The following SOX30 variants were observed in gnomAD, a reference collection of about 807,000 sequenced individuals.
The protein encoded by SOX30 is transcription factor SOX-30.
Under a neutral mutation model 58.6 loss-of-function variants are expected in SOX30, and 17 were observed. The observed-to-expected ratio is 0.29, with a 90% CI of 0.20 to 0.44. The LOEUF (loss-of-function observed/expected upper bound fraction) is 0.44. Among genes scored for constraint, SOX30 ranks in the 20% least tolerant of loss-of-function variants. The pLI, the probability that SOX30 is intolerant of heterozygous loss-of-function variation, is 1.00. For missense variants in SOX30, 951 were observed against 965.8 expected (o/e 0.98, Z 0.20); for synonymous variants, 421 against 400.2 (o/e 1.05, Z -0.62).
intron 4 of SOX30, among the ~76,000 whole-genome samples, chr5:157,628,365 TCACACACACACACACA>T (rs70984476): frequency 2.2e-4 from 31 of 139,706 alleles, no homozygotes; most frequent in Admixed American, 4.4e-4. Flanking sequence ...TTTCTGGCCT[TCACACACACACACACA>T]CACACACACA....
intron 1 of SOX30, 96 bp downstream of exon 1, chr5:157,651,016 T>C (rs1759314987): frequency 3.2e-6 from 3 of 927,476 alleles, no homozygotes; most frequent in South Asian, 3.3e-5. Context: ...GTTCCATTAC[T>C]TTACTTTTGT....
intron 3 of SOX30, among the ~76,000 whole-genome samples, chr5:157,644,304 C>A (rs1473221188): frequency 6.6e-6 from 1 of 152,080 alleles, no homozygotes. Context: ...CTACATGTCA[C>A]CAGAAATAAG....
At chr5:157,636,590 G>C (rs1015173963) in intron 4 of SOX30, among the ~76,000 whole-genome samples, 1 of 152,118 alleles carries the variant, frequency 6.6e-6, no homozygotes, top group South Asian at 2.1e-4. Context: ...CCTTTCTCCT[G>C]ATCTAATCCT....
chr5:157,664,203 G>T (rs1436220803), intron 2 of SOX30, among the ~76,000 whole-genome samples: 11 of 152,064 alleles, frequency 7.2e-5, no homozygotes, highest in Non-Finnish European at 1.0e-4. Context: ...ATACTACAAG[G>T]CTACAGTAAC....
chr5:157,650,051 A>G (rs755078800), intron 1 of SOX30, among the ~76,000 whole-genome samples: 1 of 152,208 alleles, frequency 6.6e-6, no homozygotes, highest in South Asian at 2.1e-4. Flanking sequence ...AAATTTAAAA[A>G]AAGAAAGTCA....
chr5:157,648,757 G>A lies in SOX30; in HGVS notation c.1107C>T (p.Val369=), dbSNP rs1420784740. The A allele has an allele frequency of 6.2e-7, 1 of 1,613,594 alleles. No homozygotes were observed. Among genetic ancestry groups the A allele is most frequent in the Non-Finnish European group, 8.5e-7 (1 of 1,179,986 alleles). ...NPAANNAEIS[V]QLGLEWNKLS... ...GTTTGTTCCACTCTAACCCAAGCTG[G>A]ACACTGATTTCTGCATTGTTGGCTG... Residue 369 remains valine (V), a synonymous_variant, in exon 2 of 5, where the codon GTC becomes GTT. Transcript: ENST00000265007.
At chr5:157,656,983 G>A (rs184398771), upstream of SOX30, among the ~76,000 whole-genome samples, 542 of 152,304 alleles carry the variant, frequency 3.6e-3, 3 homozygotes, top group African/African-American at 0.012. Flanking sequence ...ACAAAAATAT[G>A]TAAAGGGTTA....
chr5:157,665,704 TAATA>T (rs1021263213), intron 2 of SOX30, among the ~76,000 whole-genome samples: 6 of 147,880 alleles, frequency 4.1e-5, no homozygotes, highest in Non-Finnish European at 7.5e-5. Context: ...AATTTATTTA[TAATA>T]AATAAATAAA....
chr5:157,645,798 A>G (rs1029872433), intron 3 of SOX30, among the ~76,000 whole-genome samples: 3 of 152,098 alleles, frequency 2.0e-5, no homozygotes, highest in African/African-American at 7.2e-5. Context: ...GGGCGGGCAG[A>G]TCATCTGAGG....
chr5:157,636,407 C>A (rs902388534), intron 4 of SOX30, among the ~76,000 whole-genome samples: 2 of 152,172 alleles, frequency 1.3e-5, no homozygotes, highest in South Asian at 2.1e-4. Context: ...CTCCAAAATT[C>A]CTGTAAAATC....
chr5:157,627,717 G>C (rs62390778), intron 4 of SOX30, among the ~76,000 whole-genome samples: 1 of 152,108 alleles, frequency 6.6e-6, no homozygotes, highest in South Asian at 2.1e-4. Flanking sequence ...TTTTTTGGCC[G>C]GGCGCGGTGG....
intron 2 of SOX30, among the ~76,000 whole-genome samples, chr5:157,647,294 C>A (rs11738734): frequency 0.06 from 9,141 of 152,174 alleles, 375 homozygotes; most frequent in Middle Eastern, 0.13. Context: ...AACTCCTGAC[C>A]TCGTGATCCG....
chr5:157,668,673 C>T (rs1406725872), intron 1 of SOX30, among the ~76,000 whole-genome samples: 3 of 152,142 alleles, frequency 2.0e-5, no homozygotes, highest in Non-Finnish European at 4.4e-5. Flanking sequence ...TGCTGTGACA[C>T]CTCTGGCTTT....
At chr5:157,638,820 T>G in intron 3 of SOX30, 98 bp from the exon 4 acceptor site, 4 of 1,188,688 alleles carry the variant, frequency 3.4e-6, no homozygotes, top group South Asian at 1.5e-5. Flanking sequence ...GCAGAGGCCT[T>G]CATCAATCAC....
At chr5:157,645,052 T>C (rs1372053631) in intron 3 of SOX30, among the ~76,000 whole-genome samples, 1 of 152,102 alleles carries the variant, frequency 6.6e-6, no homozygotes, top group Non-Finnish European at 1.5e-5. Flanking sequence ...TGGGTTGAAA[T>C]ACAAGATTAA....
intron 2 of SOX30, among the ~76,000 whole-genome samples, chr5:157,664,995 T>C (rs1297813608): frequency 2.0e-5 from 3 of 152,242 alleles, no homozygotes; most frequent in Non-Finnish European, 4.4e-5. Context: ...TTTACACTGT[T>C]GGTGGGACTG....
At chr5:157,634,341 G>C (rs1412585186) in intron 4 of SOX30, among the ~76,000 whole-genome samples, 1 of 152,080 alleles carries the variant, frequency 6.6e-6, no homozygotes, top group Non-Finnish European at 1.5e-5. Context: ...AGCTTCCTGA[G>C]TAGCTGGGAC....
At chr5:157,630,954 GTATA>G (rs1238109631) in intron 4 of SOX30, among the ~76,000 whole-genome samples, 2 of 111,444 alleles carry the variant, frequency 1.8e-5, no homozygotes, top group South Asian at 5.1e-4. Flanking sequence ...TATATATATT[GTATA>G]TATATACACT....
At chr5:157,663,317 T>C (rs895805557) in intron 2 of SOX30, among the ~76,000 whole-genome samples, 5 of 152,222 alleles carry the variant, frequency 3.3e-5, no homozygotes, top group African/African-American at 1.2e-4. Flanking sequence ...TCAATAAACG[T>C]AATCCAGCAT....
Sources: allele counts gnomAD v4.1 joint callset (sites outside exome capture counted in the v4.1 genomes callset), GRCh38; gene constraint gnomAD v4.1.1; transcripts MANE v1.5; gene names NCBI Gene and HGNC (gene_info 2026-07-23, HGNC 2026-07-21).